The following ACAN variants were observed in gnomAD, a reference collection of about 807,000 sequenced individuals.
The protein encoded by ACAN is aggrecan core protein.
In ACAN, 47 loss-of-function variants were observed where a neutral mutation model predicts 169.1. The observed-to-expected ratio is 0.28, with a 90% CI of 0.22 to 0.35. The LOEUF (loss-of-function observed/expected upper bound fraction) is 0.35, where lower values mean the gene tolerates loss of function less well. Among genes scored for constraint, ACAN ranks in the 10% least tolerant of loss-of-function variants. The probability of loss-of-function intolerance (pLI) is 1.00; values close to 1 mark genes in which losing one functional copy is unlikely to be tolerated. For synonymous variants in ACAN, 1,115 were observed against 1,112.2 expected, an observed-to-expected ratio of 1.00 and a Z score of -0.05; for missense variants, 2,716 against 2,759.9, an observed-to-expected ratio of 0.98 and a Z score of 0.36.
intron 1 of ACAN, among the ~76,000 whole-genome samples, chr15:88,833,765 A>G (rs1307155814): frequency 9.3e-6 from 1 of 107,792 alleles, no homozygotes; most frequent in African/African-American, 3.8e-5. Flanking sequence ...ATTCCTTCCC[A>G]TTTCCTGGTT....
In ACAN at chr15:88,847,931, G is replaced by C; in HGVS notation, c.1625G>C (p.Arg542Pro). 1 of 1,613,770 alleles carries C rather than the reference G, an allele frequency of 6.2e-7. No individual in the cohort carries two copies. The change falls in exon 9 of 19, where the codon CGG becomes CCG. Residue 542 changes from arginine to proline, a missense_variant. Transcript: ENST00000560601. ...QTVRYPIVSPRTPCVGDKDSS... is the reference protein window; with the variant it reads ...QTVRYPIVSPPTPCVGDKDSS... Reference sequence around the variant, plus strand: ...TGCAGATACCCCATTGTGAGCCCCCGGACCCCATGCGTGGGTGACAAGGAC... The same window carrying C: ...TGCAGATACCCCATTGTGAGCCCCCCGACCCCATGCGTGGGTGACAAGGAC...
At chr15:88,817,040 G>A (rs1895958718) in intron 1 of ACAN, among the ~76,000 whole-genome samples, 1 of 152,158 alleles carries the variant, frequency 6.6e-6, no homozygotes, top group South Asian at 2.1e-4. Context: ...CTTGGTCACT[G>A]GGGAGCCCTT....
At position 88,803,729 on chromosome 15, in the gene ACAN, C is replaced by T. The variant is rs1895597826; in HGVS notation, c.-88C>T. The T allele has an allele frequency of 6.6e-6, 1 of 152,266 alleles. No individual in the cohort carries two copies. The highest frequency in any genetic ancestry group is 2.4e-5 in the African/African-American group (1 of 41,442). 9.4% of individuals were successfully genotyped at this position (152,266 alleles called of 1,614,324 possible). A position where few individuals can be genotyped will look rare whatever the true frequency, so the allele number is the denominator to read the frequency against. On this transcript the variant is annotated 5_prime_UTR_variant, in exon 1 of 19. Coordinates refer to ENST00000560601, the MANE Select transcript of ACAN (RefSeq NM_001369268.1). ...CCTCGCTACGCAGCGAGACCCGGGC[C>T]TCCCGGCCCCAGGAGCCCCCAGCTG...
chr15:88,872,013 A>G lies in ACAN; in HGVS notation c.7230A>G (p.Gln2410=). The part of the protein sequence containing the change: ...EEQEFVNNNA[Q]DYQWIGLNDR... ...TCACCCTTTCCCCAGACAATGCCCA[A>G]GACTACCAGTGGATCGGCCTGAACG... Residue 2410 remains glutamine, a synonymous_variant, in exon 16 of 19, where the codon CAA becomes CAG. Coordinates refer to ENST00000560601, the MANE Select transcript of ACAN (RefSeq NM_001369268.1). The surrounding 1 kb of genome is among the most constrained non-coding windows in gnomAD (Gnocchi z 5.4). 1 of 1,613,940 alleles carries G rather than the reference A, an allele frequency of 6.2e-7. No homozygotes were observed. The highest frequency in any genetic ancestry group is 8.5e-7 in the Non-Finnish European group (1 of 1,179,874).
intron 1 of ACAN, among the ~76,000 whole-genome samples, chr15:88,818,337 C>T (rs1314952241): frequency 6.6e-6 from 1 of 152,238 alleles, no homozygotes; most frequent in African/African-American, 2.4e-5. Context: ...TTGCTCCCAC[C>T]AAGTCTGAAT....
At chr15:88,825,046 G>A (rs1402680795) in intron 1 of ACAN, among the ~76,000 whole-genome samples, 1 of 152,194 alleles carries the variant, frequency 6.6e-6, no homozygotes, top group Admixed American at 6.5e-5. Context: ...AGAAGAAAGA[G>A]CAAGCACAAA....
In ACAN at chr15:88,851,646, A is replaced by G; in HGVS notation, c.2027-148A>G. 1 of 895,320 alleles carries G rather than the reference A, an allele frequency of 1.1e-6. No homozygotes were observed. The highest frequency in any genetic ancestry group is 1.7e-5 in the African/African-American group (1 of 59,424). 55.5% of individuals were successfully genotyped at this position (895,320 alleles called of 1,614,324 possible). A position where few individuals can be genotyped will look rare whatever the true frequency, so the allele number is the denominator to read the frequency against. On this transcript the variant is annotated intron_variant, in intron 10 of 18. Coordinates refer to ENST00000560601, the MANE Select transcript of ACAN (RefSeq NM_001369268.1). The surrounding 1 kb of genome is among the most constrained non-coding windows in gnomAD (Gnocchi z 4.3). ...TATATCATTGGTGCCGATGGCTCTT[A>G]CTAAGCGAGAAGGCAAACAGCCATC...
In ACAN at chr15:88,843,727, G is replaced by A. The variant is rs1044173713; in HGVS notation, c.1051+79G>A. ...AGAGGGAAGAGGGGATCTTGGAAAGGGAGGGTTGGTTTTTGCCCTTGAAGG... is the reference window on the plus strand; with the variant it reads ...AGAGGGAAGAGGGGATCTTGGAAAGAGAGGGTTGGTTTTTGCCCTTGAAGG... On this transcript the variant is annotated intron_variant, in intron 6 of 18. Coordinates refer to ENST00000560601, the MANE Select transcript of ACAN (RefSeq NM_001369268.1). This position sits in a 1 kb window ranked among gnomAD's most constrained non-coding sequence, Gnocchi z 4.0. 5 of 1,492,694 alleles carry A rather than the reference G, an allele frequency of 3.3e-6. No individual in the cohort carries two copies. The highest frequency in any genetic ancestry group is 4.5e-6 in the Non-Finnish European group (5 of 1,121,062). 92.5% of individuals were successfully genotyped at this position (1,492,694 alleles called of 1,614,324 possible).
intron 1 of ACAN, among the ~76,000 whole-genome samples, chr15:88,833,141 A>G (rs563745969): frequency 1.3e-5 from 2 of 152,212 alleles, no homozygotes; most frequent in Admixed American, 6.5e-5. Flanking sequence ...GGCCAGGTAG[A>G]CAACCATGGG....
intron 1 of ACAN, among the ~76,000 whole-genome samples, chr15:88,822,227 A>G (rs1896094838): frequency 6.6e-6 from 1 of 152,182 alleles, no homozygotes; most frequent in Non-Finnish European, 1.5e-5. Context: ...AGCCTCCCAC[A>G]TAAACAGATT....
In ACAN at chr15:88,839,151, A is replaced by T; in HGVS notation, c.454+105A>T. ...GGCTGGCCTTCAAACCAGCTCCTCC[A>T]CGCACCTCAGCCAAGTTACTTAACT... is the stretch of plus-strand genomic sequence containing the variant. On this transcript the variant is annotated intron_variant, in intron 3 of 18. Transcript: ENST00000560601. This position sits in a 1 kb window ranked among gnomAD's most constrained non-coding sequence, Gnocchi z 4.5. The T allele has an allele frequency of 1.4e-6, 2 of 1,448,542 alleles. No individual in the cohort carries two copies. Among genetic ancestry groups the T allele is most frequent in the East Asian group, 4.6e-5 (2 of 43,830 alleles). The allele number at this position is 1,448,542 out of a possible 1,614,324, so 89.7% of individuals were successfully genotyped here.
In ACAN at chr15:88,855,141, T is replaced by A. The variant is rs747977462; in HGVS notation, c.2556T>A (p.Thr852=). The A allele has an allele frequency of 1.9e-6, 3 of 1,609,138 alleles. No homozygotes were observed. The East Asian group carries it at 6.7e-5, about 36-fold the overall frequency. The change falls in exon 12 of 19, where the codon ACT becomes ACA. Residue 852 remains threonine (T), a synonymous_variant. Coordinates refer to ENST00000560601, the MANE Select transcript of ACAN (RefSeq NM_001369268.1). ...YTPSPPVPSW[T]ELPSSGEESG... ...CTTCACCCCCCGTGCCCAGCTGGAC[T>A]GAGCTGCCCAGCTCTGGGGAGGAAT...
rs570360000 is a variant in ACAN, at chr15:88,819,654, T to C, written c.-8+15845T>C. Among the ~76,000 whole-genome samples, 3 of 150,686 alleles carry C rather than the reference T, an allele frequency of 2.0e-5. No homozygotes were observed. The South Asian group carries it at 6.3e-4, about 32-fold the overall frequency. On this transcript the variant is annotated intron_variant, in intron 1 of 18. Transcript: ENST00000560601. ...GGTGGCTCACACCTGTAGTTCCAGCTACTCAGGAGGCTGAGACAGGAAGAT... is the reference window on the plus strand; with the variant it reads ...GGTGGCTCACACCTGTAGTTCCAGCCACTCAGGAGGCTGAGACAGGAAGAT...
At chr15:88,810,358 A>G (rs560064278) in intron 1 of ACAN, among the ~76,000 whole-genome samples, 40 of 142,628 alleles carry the variant, frequency 2.8e-4, no homozygotes, top group South Asian at 1.6e-3. Context: ...TTTTGGGGGG[A>G]AAAAAAAACC....
chr15:88,808,909 C>T (rs1057374878), intron 1 of ACAN, among the ~76,000 whole-genome samples: 4 of 152,082 alleles, frequency 2.6e-5, no homozygotes, highest in Non-Finnish European at 2.9e-5. Context: ...AAGAAAAGTC[C>T]GAGCCCCCAT....
Position 88,849,926 on chromosome 15 carries a change from C to T in ACAN, c.2026+195C>T. 1 of 775,472 alleles carries T rather than the reference C, an allele frequency of 1.3e-6. No individual in the cohort carries two copies. The highest frequency in any genetic ancestry group is 2.2e-6 in the Non-Finnish European group (1 of 454,582). The allele number at this position is 775,472 out of a possible 1,614,324, so 48.0% of individuals were successfully genotyped here. On this transcript the variant is annotated intron_variant, in intron 10 of 18. Transcript: ENST00000560601. This position sits in a 1 kb window ranked among gnomAD's most constrained non-coding sequence, Gnocchi z 5.1. ...GGCAAGGTCATCCTTCTAAAGTTCC[C>T]CAGAGACAAGTAGAGATAAATAAGA... is the stretch of plus-strand genomic sequence containing the variant.
chr15:88,872,441 A>C lies in ACAN; in HGVS notation c.7302+356A>C, dbSNP rs1355042302. Among the ~76,000 whole-genome samples, 1 of 152,148 alleles carries C rather than the reference A, an allele frequency of 6.6e-6. No individual in the cohort carries two copies. Among genetic ancestry groups the C allele is most frequent in the Non-Finnish European group, 1.5e-5 (1 of 68,020 alleles). On this transcript the variant is annotated intron_variant, in intron 16 of 18. Coordinates refer to ENST00000560601, the MANE Select transcript of ACAN (RefSeq NM_001369268.1). This position sits in a 1 kb window ranked among gnomAD's most constrained non-coding sequence, Gnocchi z 5.4. ...TAGATGCCAAGTGAATGGTACGGGC[A>C]CCCAGTGATTCTCTTTGTCCTGAAG...
intron 2 of ACAN, among the ~76,000 whole-genome samples, chr15:88,837,993 A>G (rs1383597582): frequency 7.3e-6 from 1 of 136,456 alleles, no homozygotes; most frequent in African/African-American, 2.8e-5. Flanking sequence ...CACCTCCTCT[A>G]TTGACACTCT....
chr15:88,854,281 T>C (rs1251390779), intron 11 of ACAN, among the ~76,000 whole-genome samples: 1 of 152,178 alleles, frequency 6.6e-6, no homozygotes, highest in African/African-American at 2.4e-5. Flanking sequence ...AAACACAGTA[T>C]GCCAGACTTC....
Sources: gnomAD v4.1 joint callset for allele counts (sites outside exome capture counted in the v4.1 genomes callset) on GRCh38, gnomAD v4.1.1 for gene constraint, Gnocchi (gnomAD v3.1) non-coding constraint, MANE v1.5 for transcripts, NCBI Gene and HGNC (gene_info 2026-07-23, HGNC 2026-07-21) for gene names.